Variants in SNW1 observed in about 807,000 individuals in gnomAD.
SNW1 encodes the protein SNW domain containing 1.
SNW1 carries 9 observed loss-of-function variants against 75.6 expected under a neutral mutation model. The observed-to-expected ratio is 0.12, with a 90% CI of 0.07 to 0.21. The LOEUF is 0.21. Among genes scored for constraint, SNW1 ranks in the 10% least tolerant of loss-of-function variants. SNW1 has a pLI of 1.00. For synonymous variants in SNW1, 200 were observed against 219.1 expected (o/e 0.91, Z 0.77); for missense variants, 409 against 670.9 (o/e 0.61, Z 4.31).
intron 3 of SNW1, among the ~76,000 whole-genome samples, chr14:77,740,194 T>A (rs1301425621): frequency 6.8e-6 from 1 of 147,826 alleles, no homozygotes; most frequent in Non-Finnish European, 1.5e-5. Flanking sequence ...ATAATAGGCA[T>A]TCTACCTTTA....
At chr14:77,735,856 C>T (rs745964190) in intron 7 of SNW1, 81 bp downstream of exon 7, 65 of 973,128 alleles carry the variant, frequency 6.7e-5, no homozygotes, top group Non-Finnish European at 9.8e-5. Flanking sequence ...GTGACATGCA[C>T]CTGTATAGGC....
chr14:77,747,803 C>G (rs1213923648), intron 3 of SNW1, among the ~76,000 whole-genome samples: 1 of 149,396 alleles, frequency 6.7e-6, no homozygotes, highest in African/African-American at 2.5e-5. Context: ...TGGGGGGCGC[C>G]TCTGCCTGGC....
chr14:77,723,999 T>C (rs2080564347), intron 10 of SNW1, among the ~76,000 whole-genome samples: 1 of 152,222 alleles, frequency 6.6e-6, no homozygotes, highest in African/African-American at 2.4e-5. Context: ...TTAATTTAAG[T>C]CTAATAAATG....
chr14:77,721,333 G>A (rs1346724823), intron 11 of SNW1, among the ~76,000 whole-genome samples: 1 of 152,066 alleles, frequency 6.6e-6, no homozygotes, highest in Non-Finnish European at 1.5e-5. Flanking sequence ...GATTAATTTG[G>A]TTTCCTGGCT....
intron 10 of SNW1, among the ~76,000 whole-genome samples, chr14:77,724,376 A>G (rs926880411): frequency 4.6e-5 from 7 of 152,188 alleles, no homozygotes; most frequent in African/African-American, 1.7e-4. Flanking sequence ...ATCATTAACT[A>G]TTCTTCTCTT....
intron 2 of SNW1, among the ~76,000 whole-genome samples, chr14:77,754,107 C>T (rs1031549352): frequency 8.6e-5 from 13 of 151,244 alleles, no homozygotes; most frequent in Non-Finnish European, 1.5e-4. Flanking sequence ...TGCAATGGTG[C>T]GATCTTGGCT....
rs148781957 is a variant in SNW1, at chr14:77,732,524, G to A, written c.852C>T (p.Phe284=). The A allele has an allele frequency of 1.2e-5, 19 of 1,612,884 alleles. No homozygotes were observed. The highest frequency in any genetic ancestry group is 4.5e-5 in the East Asian group (2 of 44,888). The change falls in exon 9 of 14, where the codon TTC becomes TTT. Residue 284 remains phenylalanine (F), a synonymous_variant. Transcript: ENST00000261531. ...GLQTVHINEN[F]AKLAEALYIA... ...TGTAGAGGGCTTCTGCCAATTTGGC[G>A]AAATTTTCATTTATGTGTACTGTCT...
chr14:77,746,783 G>C (rs1203074546), intron 3 of SNW1, among the ~76,000 whole-genome samples: 3 of 151,946 alleles, frequency 2.0e-5, no homozygotes, highest in Non-Finnish European at 4.4e-5. Context: ...GGAAGTTATG[G>C]GCATCAAAAT....
intron 5 of SNW1, among the ~76,000 whole-genome samples, chr14:77,737,991 C>CAAA (rs35896717): frequency 0.18 from 13,285 of 73,666 alleles, 1,850 homozygotes; most frequent in Middle Eastern, 0.22. Flanking sequence ...GACTCCATCT[C>CAAA]AAAAAAAAAA....
chr14:77,739,787 A>C (rs1279222141), intron 3 of SNW1, among the ~76,000 whole-genome samples: 2 of 152,068 alleles, frequency 1.3e-5, no homozygotes, highest in African/African-American at 4.8e-5. Context: ...AGGTCCATCT[A>C]TACTTCTTAA....
chr14:77,736,652 ATT>A (rs2080675291), intron 6 of SNW1, among the ~76,000 whole-genome samples: 2 of 152,326 alleles, frequency 1.3e-5, no homozygotes, highest in African/African-American at 4.8e-5. Flanking sequence ...ATTTGATTAA[ATT>A]TTGACACAAA....
intron 2 of SNW1, 74 bp from the exon 3 acceptor site, chr14:77,751,554 A>G: frequency 7.9e-7 from 1 of 1,263,054 alleles, no homozygotes; most frequent in Non-Finnish European, 1.1e-6. Flanking sequence ...TCATTCAACA[A>G]GTAATTGTTG....
intron 10 of SNW1, among the ~76,000 whole-genome samples, chr14:77,724,591 C>G (rs1595075058): frequency 6.6e-6 from 1 of 152,206 alleles, no homozygotes; most frequent in African/African-American, 2.4e-5. Context: ...CTCCCACATA[C>G]AAGTGGGAAG....
chr14:77,740,400 T>C (rs912416028), intron 3 of SNW1, among the ~76,000 whole-genome samples: 2 of 152,138 alleles, frequency 1.3e-5, no homozygotes, highest in African/African-American at 4.8e-5. Context: ...AAATGCATGC[T>C]ATTTCTAATT....
intron 9 of SNW1, among the ~76,000 whole-genome samples, chr14:77,731,671 T>A (rs765837968): frequency 1.2e-4 from 19 of 152,266 alleles, no homozygotes; most frequent in Non-Finnish European, 2.2e-4. Flanking sequence ...ACATTTTTTT[T>A]ATGTTCCAAA....
intron 6 of SNW1, among the ~76,000 whole-genome samples, chr14:77,736,602 A>G (rs2080674811): frequency 6.6e-6 from 1 of 152,300 alleles, no homozygotes; most frequent in African/African-American, 2.4e-5. Context: ...CTTTATTGAG[A>G]TAATTGACAT....
chr14:77,761,155 A>G lies in SNW1; in HGVS notation c.-28T>C, dbSNP rs1213759168. Reference sequence around the variant, plus strand: ...TCTTCCGCTTCTTCCAGCGCGAGCGACAGCACCGCTGGGCGGGTCTTTCCA... The same window carrying G: ...TCTTCCGCTTCTTCCAGCGCGAGCGGCAGCACCGCTGGGCGGGTCTTTCCA... On this transcript the variant is annotated 5_prime_UTR_variant, in exon 1 of 14. Transcript: ENST00000261531. 1 of 1,614,248 alleles carries G rather than the reference A, an allele frequency of 6.2e-7. No homozygotes were observed. Among genetic ancestry groups the G allele is most frequent in the South Asian group, 1.1e-5 (1 of 91,090 alleles).
At chr14:77,742,722 ACGTG>A (rs2080728215) in intron 3 of SNW1, among the ~76,000 whole-genome samples, 2 of 151,802 alleles carry the variant, frequency 1.3e-5, no homozygotes, top group Admixed American at 6.6e-5. Context: ...TGGGTATAGT[ACGTG>A]TGTAACATTT....
chr14:77,718,058 A>G lies in SNW1; in HGVS notation c.*30T>C, dbSNP rs1201344737. 2.6e-6 allele frequency: 4 copies of G among 1,520,488 alleles called. No homozygotes were observed. In the South Asian group the frequency reaches 3.9e-5, roughly 15 times the overall value. 94.2% of individuals were successfully genotyped at this position (1,520,488 alleles called of 1,614,324 possible). A position where few individuals can be genotyped will look rare whatever the true frequency, so the allele number is the denominator to read the frequency against. On this transcript the variant is annotated 3_prime_UTR_variant, in exon 14 of 14. Transcript: ENST00000261531. ...ACTTGCATCATTAGGGTTATGGGTA[A>G]GAGTTCATTCACTTTGGAGAGACCT...
Sources: gnomAD v4.1 joint callset for allele counts (sites outside exome capture counted in the v4.1 genomes callset) on GRCh38, gnomAD v4.1.1 for gene constraint, MANE v1.5 for transcripts, NCBI Gene and HGNC (gene_info 2026-07-23, HGNC 2026-07-21) for gene names.